ASIC2: variants seen among roughly 807,000 people sequenced by gnomAD.
The protein encoded by ASIC2 is acid sensing ion channel subunit 2.
In ASIC2, 25 loss-of-function variants were observed where a neutral mutation model predicts 57.3. The observed-to-expected ratio is 0.44, with a 90% CI of 0.32 to 0.61. ASIC2 has a LOEUF of 0.61. Ranked by LOEUF, ASIC2 falls within the 20% of genes least tolerant of loss-of-function variation. ASIC2 has a pLI of 0.06. For synonymous variants in ASIC2, 319 were observed against 307.5 expected (o/e 1.04, Z -0.39); for missense variants, 641 against 738.1 (o/e 0.87, Z 1.52).
chr17:33,564,869 T>C (rs1366775612), intron 1 of ASIC2, among the ~76,000 whole-genome samples: 2 of 152,252 alleles, frequency 1.3e-5, no homozygotes, highest in African/African-American at 4.8e-5. Flanking sequence ...GGGTGATCTG[T>C]GCCTTAAGGA....
At chr17:33,539,188 C>T (rs997373468) in intron 1 of ASIC2, among the ~76,000 whole-genome samples, 52 of 152,238 alleles carry the variant, frequency 3.4e-4, no homozygotes, top group Non-Finnish European at 1.3e-4. Context: ...TTCTCACTAG[C>T]AGATTCTTTC....
chr17:33,602,716 A>G (rs1164443160), intron 1 of ASIC2, among the ~76,000 whole-genome samples: 2 of 152,184 alleles, frequency 1.3e-5, no homozygotes, highest in Non-Finnish European at 2.9e-5. Context: ...CACTGGCTCC[A>G]GCCACACAAG....
chr17:33,489,471 C>T (rs1913681660), intron 1 of ASIC2, among the ~76,000 whole-genome samples: 1 of 152,202 alleles, frequency 6.6e-6, no homozygotes, highest in Non-Finnish European at 1.5e-5. Flanking sequence ...TCTCTTCAGT[C>T]TCCTTACCTC....
intron 1 of ASIC2, chr17:33,792,555 C>G (rs1911804436): frequency 6.6e-6 from 1 of 152,006 alleles, no homozygotes; most frequent in Non-Finnish European, 1.5e-5. Context: ...GGCTGTCAGT[C>G]AGAAGAAAAT....
At chr17:33,178,077 G>C (rs932557064) in intron 1 of ASIC2, among the ~76,000 whole-genome samples, 4 of 152,050 alleles carry the variant, frequency 2.6e-5, no homozygotes, top group African/African-American at 9.7e-5. Context: ...ATGGACCCTG[G>C]GTTAAGAATC....
intron 1 of ASIC2, among the ~76,000 whole-genome samples, chr17:34,138,457 C>A (rs1454792816): frequency 6.6e-6 from 1 of 152,328 alleles, no homozygotes; most frequent in Non-Finnish European, 1.5e-5. Context: ...CACATGGAAG[C>A]ACAAGCATTG....
chr17:33,359,607 CA>C (rs1908520640), intron 1 of ASIC2, among the ~76,000 whole-genome samples: 1 of 152,158 alleles, frequency 6.6e-6, no homozygotes, highest in South Asian at 2.1e-4. Context: ...ATCCATGCAC[CA>C]AAAACTTCTC....
At chr17:33,944,027 G>A (rs1016188183) in intron 1 of ASIC2, among the ~76,000 whole-genome samples, 1 of 152,082 alleles carries the variant, frequency 6.6e-6, no homozygotes, top group African/African-American at 2.4e-5. Context: ...GATAGGATTT[G>A]TGTCAGCTTT....
chr17:33,019,333 G>A (rs1188790388), intron 7 of ASIC2, among the ~76,000 whole-genome samples: 2 of 151,818 alleles, frequency 1.3e-5, no homozygotes, highest in Non-Finnish European at 2.9e-5. Flanking sequence ...TGAGCAGAGT[G>A]TGTCGAGCGT....
At chr17:33,103,351 T>C (rs2092221770) in intron 2 of ASIC2, among the ~76,000 whole-genome samples, 1 of 152,236 alleles carries the variant, frequency 6.6e-6, no homozygotes, top group Non-Finnish European at 1.5e-5. Flanking sequence ...ATAATATTAT[T>C]ATTTTCATTT....
chr17:33,408,669 A>G (rs1294798333), intron 1 of ASIC2, among the ~76,000 whole-genome samples: 1 of 152,226 alleles, frequency 6.6e-6, no homozygotes, highest in African/African-American at 2.4e-5. Context: ...TCCCTGGATG[A>G]AAATTCATGA....
intron 1 of ASIC2, among the ~76,000 whole-genome samples, chr17:33,571,613 A>G (rs1916446695): frequency 6.6e-6 from 1 of 152,216 alleles, no homozygotes; most frequent in Non-Finnish European, 1.5e-5. Flanking sequence ...GTGAAATGCT[A>G]TGAAGGTTGT....
chr17:33,672,835 A>G (rs974185962), intron 1 of ASIC2, among the ~76,000 whole-genome samples: 20 of 152,226 alleles, frequency 1.3e-4, no homozygotes, highest in Non-Finnish European at 2.6e-4. Flanking sequence ...TGACTGGAAC[A>G]TACGGCAGAG....
intron 1 of ASIC2, among the ~76,000 whole-genome samples, chr17:33,549,214 G>C (rs565926373): frequency 6.6e-6 from 1 of 152,132 alleles, no homozygotes; most frequent in Non-Finnish European, 1.5e-5. Flanking sequence ...ACCTCTGAAG[G>C]TCCTTTTAGC....
intron 1 of ASIC2, among the ~76,000 whole-genome samples, chr17:33,922,323 CCTTT>C (rs1567756912): frequency 1.3e-5 from 2 of 152,004 alleles, no homozygotes; most frequent in African/African-American, 4.8e-5. Context: ...TTCCTTCCTT[CCTTT>C]TCTTTTCTTT....
intron 1 of ASIC2, among the ~76,000 whole-genome samples, chr17:33,543,030 G>C (rs1216974701): frequency 6.7e-6 from 1 of 149,738 alleles, no homozygotes. Context: ...GTAAACTATC[G>C]CAAGAACAAA....
At chr17:34,111,832 A>G (rs1434180868) in intron 1 of ASIC2, among the ~76,000 whole-genome samples, 1 of 152,240 alleles carries the variant, frequency 6.6e-6, no homozygotes, top group East Asian at 1.9e-4. Context: ...AGAATGTTCT[A>G]GTAAATTATG....
chr17:33,927,110 G>T (rs1468725569), intron 1 of ASIC2, among the ~76,000 whole-genome samples: 2 of 152,098 alleles, frequency 1.3e-5, no homozygotes, highest in East Asian at 3.9e-4. Context: ...TGTATTTTTA[G>T]TAGAGACAGG....
At chr17:34,100,823 A>AC (rs1221390073) in intron 1 of ASIC2, among the ~76,000 whole-genome samples, 1 of 152,114 alleles carries the variant, frequency 6.6e-6, no homozygotes, top group East Asian at 1.9e-4. Flanking sequence ...GCTACTCCCC[A>AC]CTTCCTGGGC....
Sources: allele counts gnomAD v4.1 joint callset (sites outside exome capture counted in the v4.1 genomes callset), GRCh38; gene constraint gnomAD v4.1.1; transcripts MANE v1.5; gene names NCBI Gene and HGNC (gene_info 2026-07-23, HGNC 2026-07-21).